The following FSHR variants were observed in gnomAD, a reference collection of about 807,000 sequenced individuals.
FSHR encodes the protein follicle-stimulating hormone receptor.
FSHR carries 46 observed loss-of-function variants against 52.1 expected under a neutral mutation model. That is an observed-to-expected ratio of 0.88 (90% confidence interval 0.70 to 1.13). FSHR has a LOEUF of 1.13. FSHR is among the 50% of genes most tolerant of loss of function. The probability of loss-of-function intolerance (pLI) is 0.00; values close to 1 mark genes in which losing one functional copy is unlikely to be tolerated. For missense variants in FSHR, 964 were observed against 834.6 expected (o/e 1.16, Z -1.91); for synonymous variants, 399 against 309.6 (o/e 1.29, Z -3.03).
intron 4 of FSHR, among the ~76,000 whole-genome samples, chr2:48,991,895 T>C (rs13002977): frequency 0.55 from 83,810 of 151,870 alleles, 24,687 homozygotes; most frequent in Non-Finnish European, 0.66. Flanking sequence ...ATATTAATCA[T>C]TGTGAAGGAC....
intron 1 of FSHR, among the ~76,000 whole-genome samples, chr2:49,112,136 A>C (rs1398257875): frequency 1.3e-5 from 2 of 152,154 alleles, no homozygotes; most frequent in Non-Finnish European, 2.9e-5. Context: ...CTTTAATTGG[A>C]GTCCTAAAAC....
intron 1 of FSHR, among the ~76,000 whole-genome samples, chr2:49,091,116 A>C (rs1670591580): frequency 6.8e-6 from 1 of 146,564 alleles, no homozygotes; most frequent in Non-Finnish European, 1.5e-5. Flanking sequence ...TTACATTTCG[A>C]TGAAGTCCAA....
intron 1 of FSHR, among the ~76,000 whole-genome samples, chr2:49,089,862 CAT>C (rs547763136): frequency 1.1e-3 from 175 of 152,274 alleles, no homozygotes; most frequent in African/African-American, 4.0e-3. Flanking sequence ...TGCAGATTTA[CAT>C]AGTCTGCACC....
At chr2:49,018,765 G>A (rs1378904580) in intron 3 of FSHR, among the ~76,000 whole-genome samples, 1 of 152,184 alleles carries the variant, frequency 6.6e-6, no homozygotes, top group Non-Finnish European at 1.5e-5. Context: ...AGAGTGGGTA[G>A]AAGGAAGTAA....
chr2:49,041,837 A>G (rs1238760237), intron 2 of FSHR, among the ~76,000 whole-genome samples: 1 of 152,160 alleles, frequency 6.6e-6, no homozygotes, highest in East Asian at 1.9e-4. Flanking sequence ...AAATGGTGCA[A>G]TGATAGTAGC....
intron 1 of FSHR, among the ~76,000 whole-genome samples, chr2:49,113,449 T>C (rs1298374436): frequency 6.6e-6 from 1 of 152,226 alleles, no homozygotes; most frequent in Non-Finnish European, 1.5e-5. Context: ...TCCAGCCACA[T>C]ACTCACCTTA....
intron 4 of FSHR, among the ~76,000 whole-genome samples, chr2:49,009,258 T>C (rs1166931091): frequency 2.9e-4 from 43 of 149,634 alleles, no homozygotes; most frequent in African/African-American, 1.0e-3. Context: ...TAGCCAGTTT[T>C]CCCAGCACCA....
chr2:48,982,952 G>T lies in FSHR; in HGVS notation c.628C>A (p.Pro210Thr). The change falls in exon 8 of 10, where the codon CCT becomes ACT. Residue 210 changes from proline (P) to threonine (T), a missense_variant. By Grantham distance (38) the Pro-to-Thr change is conservative (BLOSUM62 -1). Coordinates refer to ENST00000406846, the MANE Select transcript of FSHR (RefSeq NM_000145.4). ...GAGGCTCCGTGGAAAACATCATTAG[G>T]CAATTCTTCTAAATTATTATTATCG... is the stretch of plus-strand genomic sequence containing the variant. ...LSDNNNLEELPNDVFHGASGP... is the reference protein window; with the variant it reads ...LSDNNNLEELTNDVFHGASGP... 6.2e-7 allele frequency: 1 copy of T among 1,614,042 alleles called. No homozygotes were observed. Among genetic ancestry groups the T allele is most frequent in the South Asian group, 1.1e-5 (1 of 91,074 alleles).
At chr2:48,992,182 T>C (rs1266029282) in intron 4 of FSHR, among the ~76,000 whole-genome samples, 1 of 152,136 alleles carries the variant, frequency 6.6e-6, no homozygotes, top group African/African-American at 2.4e-5. Context: ...GTTAATGCGC[T>C]AAAAAATTAT....
At chr2:49,121,247 A>T (rs966904798) in intron 1 of FSHR, among the ~76,000 whole-genome samples, 4 of 152,190 alleles carry the variant, frequency 2.6e-5, no homozygotes, top group African/African-American at 9.7e-5. Flanking sequence ...ATCAGAATCT[A>T]TTTCATTATT....
intron 2 of FSHR, among the ~76,000 whole-genome samples, chr2:49,067,679 G>A (rs1273568704): frequency 1.3e-5 from 2 of 152,202 alleles, no homozygotes; most frequent in South Asian, 2.1e-4. Context: ...CTAGCGCAAT[G>A]TGAACTGAAT....
chr2:49,101,314 G>T (rs1380941129), intron 1 of FSHR, among the ~76,000 whole-genome samples: 1 of 152,164 alleles, frequency 6.6e-6, no homozygotes, highest in Non-Finnish European at 1.5e-5. Flanking sequence ...GAAAGAAAGA[G>T]CAAGTTAGGA....
chr2:49,025,506 G>A (rs1667885989), intron 2 of FSHR, among the ~76,000 whole-genome samples: 1 of 152,092 alleles, frequency 6.6e-6, no homozygotes, highest in African/African-American at 2.4e-5. Context: ...TATACCTTGT[G>A]ATATTGAAGT....
intron 1 of FSHR, among the ~76,000 whole-genome samples, chr2:49,099,157 C>T (rs557012704): frequency 6.6e-6 from 1 of 152,052 alleles, no homozygotes; most frequent in East Asian, 1.9e-4. Context: ...AAATGTGTTC[C>T]TACCCAAATC....
At chr2:48,983,231 T>C (rs1675337948) in intron 6 of FSHR, 65 bp from the exon 7 acceptor site, 15 of 1,474,050 alleles carry the variant, frequency 1.0e-5, no homozygotes, top group Non-Finnish European at 1.4e-5. Context: ...GGTTTCATAA[T>C]TGGAAGCACT....
chr2:49,002,713 T>G lies in FSHR; in HGVS notation c.375-12076A>C, dbSNP rs540563899. On this transcript the variant is annotated intron_variant, in intron 4 of 9. Coordinates refer to ENST00000406846, the MANE Select transcript of FSHR (RefSeq NM_000145.4). ...TCCCCAACATGTGGGGATTACAATT[T>G]GGATTACAAATCAGGATGATATTTG... Among the ~76,000 whole-genome samples the G allele has an allele frequency of 4.0e-4, 61 of 152,176 alleles. 1 individual carries two copies. Among genetic ancestry groups the G allele is most frequent in the African/African-American group, 1.4e-3 (59 of 41,502 alleles).
chr2:49,109,567 G>A (rs1331443037), intron 1 of FSHR, among the ~76,000 whole-genome samples: 1 of 152,098 alleles, frequency 6.6e-6, no homozygotes. Flanking sequence ...GGAGTGGACT[G>A]GGGGGACAGT....
chr2:49,093,185 T>G (rs6736924), intron 1 of FSHR, among the ~76,000 whole-genome samples: 1 of 152,092 alleles, frequency 6.6e-6, no homozygotes, highest in Non-Finnish European at 1.5e-5. Context: ...CTTTGTAACA[T>G]GAACTGGGAA....
chr2:49,091,288 G>A (rs555597855), intron 1 of FSHR, among the ~76,000 whole-genome samples: 26 of 151,800 alleles, frequency 1.7e-4, no homozygotes, highest in South Asian at 1.5e-3. Context: ...TTTTGTGTAC[G>A]GTATGAGGTT....
Sources: gnomAD v4.1 joint callset for allele counts (sites outside exome capture counted in the v4.1 genomes callset) on GRCh38, gnomAD v4.1.1 for gene constraint, MANE v1.5 for transcripts, NCBI Gene and HGNC (gene_info 2026-07-23, HGNC 2026-07-21) for gene names.